Variants in SRGAP3 observed in about 807,000 individuals in gnomAD.
The protein encoded by SRGAP3 is SLIT-ROBO Rho GTPase-activating protein 3.
A neutral mutation model predicts 121.1 loss-of-function variants in SRGAP3; 39 were observed. That is an observed-to-expected ratio of 0.32 (90% CI 0.25 to 0.42). The LOEUF is 0.42. SRGAP3 is among the 10% of genes least tolerant of loss of function. The pLI is 1.00. For synonymous variants in SRGAP3, 601 were observed against 570.0 expected (o/e 1.05, Z -0.77); for missense variants, 1,213 against 1,470.6 (o/e 0.82, Z 2.86).
chr3:9,270,791 A>C (rs1954458868), intron 3 of SRGAP3, among the ~76,000 whole-genome samples: 1 of 152,040 alleles, frequency 6.6e-6, no homozygotes. Flanking sequence ...TTTTACTGTT[A>C]TTATTTAAGC....
chr3:9,182,275 GGTCATAGA>G (rs929870811), intron 1 of SRGAP3, among the ~76,000 whole-genome samples: 8 of 151,826 alleles, frequency 5.3e-5, no homozygotes, highest in Non-Finnish European at 8.8e-5. Flanking sequence ...CTCTTATAGA[GGTCATAGA>G]GTTAAAATGA....
At chr3:9,234,819 C>T (rs748887875) in intron 1 of SRGAP3, among the ~76,000 whole-genome samples, 3 of 152,120 alleles carry the variant, frequency 2.0e-5, no homozygotes, top group Non-Finnish European at 4.4e-5. Context: ...AAAGGTAGAC[C>T]AGGGAACAGG....
chr3:9,327,070 C>A (rs1203397092), intron 2 of SRGAP3, among the ~76,000 whole-genome samples: 2 of 151,646 alleles, frequency 1.3e-5, no homozygotes, highest in Admixed American at 1.3e-4. Context: ...AAAGAGAAAA[C>A]CAAATTTTAT....
intron 2 of SRGAP3, among the ~76,000 whole-genome samples, chr3:9,117,284 C>T (rs1381094788): frequency 6.6e-6 from 1 of 152,198 alleles, no homozygotes; most frequent in Non-Finnish European, 1.5e-5. Context: ...GCCTGGAAGG[C>T]TAAGTCTAAA....
chr3:9,260,968 C>T (rs764019329), intron 3 of SRGAP3, among the ~76,000 whole-genome samples: 3 of 152,162 alleles, frequency 2.0e-5, no homozygotes, highest in Non-Finnish European at 4.4e-5. Flanking sequence ...TGGCATCTGG[C>T]GGGTGCCCCT....
intron 3 of SRGAP3, among the ~76,000 whole-genome samples, chr3:9,083,179 G>GA (rs1476614567): frequency 2.0e-5 from 3 of 152,130 alleles, no homozygotes; most frequent in African/African-American, 4.8e-5. Context: ...GCTGACTCCA[G>GA]ATTCTCTGAC....
At chr3:9,348,040 G>T (rs1300292768) in intron 1 of SRGAP3, among the ~76,000 whole-genome samples, 2 of 152,178 alleles carry the variant, frequency 1.3e-5, no homozygotes, top group African/African-American at 4.8e-5. Flanking sequence ...CATTTGTTAG[G>T]CTACAACCTA....
intron 1 of SRGAP3, among the ~76,000 whole-genome samples, chr3:9,174,103 C>G (rs1007355339): frequency 5.9e-5 from 9 of 152,136 alleles, no homozygotes; most frequent in African/African-American, 2.2e-4. Flanking sequence ...GTGAAATAAG[C>G]CAGTCACAAA....
At chr3:9,343,214 T>C (rs938041595) in intron 1 of SRGAP3, among the ~76,000 whole-genome samples, 2 of 152,198 alleles carry the variant, frequency 1.3e-5, no homozygotes, top group Non-Finnish European at 2.9e-5. Flanking sequence ...TTTCTTCAAA[T>C]GCGTATTTGA....
chr3:9,275,900 TA>T (rs558726119), intron 3 of SRGAP3, among the ~76,000 whole-genome samples: 264 of 152,078 alleles, frequency 1.7e-3, no homozygotes, highest in African/African-American at 6.0e-3. Flanking sequence ...AATCTACTGC[TA>T]AAAAAATAAG....
intron 3 of SRGAP3, among the ~76,000 whole-genome samples, chr3:9,266,335 A>G (rs1001371811): frequency 1.8e-4 from 27 of 152,090 alleles, no homozygotes; most frequent in South Asian, 6.2e-4. Context: ...ACAAACCTGC[A>G]TGTTCTGCAC....
chr3:9,287,831 C>T (rs1954801894), intron 3 of SRGAP3, among the ~76,000 whole-genome samples: 1 of 152,122 alleles, frequency 6.6e-6, no homozygotes. Context: ...GAATAATCAT[C>T]GTTCTTTAGA....
intron 1 of SRGAP3, among the ~76,000 whole-genome samples, chr3:9,125,502 G>A (rs557878540): frequency 3.7e-4 from 57 of 152,266 alleles, no homozygotes; most frequent in Middle Eastern, 6.8e-3. Context: ...CTTTTCCCTC[G>A]TGGGTTTCAG....
At chr3:9,188,458 C>T (rs562556801) in intron 1 of SRGAP3, among the ~76,000 whole-genome samples, 2 of 152,302 alleles carry the variant, frequency 1.3e-5, no homozygotes, top group South Asian at 4.1e-4. Context: ...GATGAGGAAA[C>T]TGAGGCTGAG....
chr3:9,194,999 C>A (rs2125146213), intron 1 of SRGAP3, among the ~76,000 whole-genome samples: 1 of 152,302 alleles, frequency 6.6e-6, no homozygotes. Context: ...TGTTTAGCAG[C>A]CACTTTCTGG....
intron 1 of SRGAP3, among the ~76,000 whole-genome samples, chr3:9,125,474 A>G (rs1575111499): frequency 6.6e-6 from 1 of 152,210 alleles, no homozygotes; most frequent in East Asian, 1.9e-4. Context: ...GGACTGAGAG[A>G]GGGCTGAGAA....
chr3:9,018,931 A>C (rs1178698942), intron 14 of SRGAP3, among the ~76,000 whole-genome samples: 1 of 152,164 alleles, frequency 6.6e-6, no homozygotes, highest in African/African-American at 2.4e-5. Context: ...TATTTTTAAT[A>C]TCTTCTTATT....
intron 18 of SRGAP3, among the ~76,000 whole-genome samples, chr3:8,996,072 G>A (rs957396423): frequency 6.6e-6 from 1 of 152,048 alleles, no homozygotes; most frequent in Non-Finnish European, 1.5e-5. Flanking sequence ...TGTGACCTTG[G>A]GATACTTAGT....
Position 8,983,410 on chromosome 3 carries a change from T to A in SRGAP3, c.*2109A>T, listed in dbSNP as rs60940618. On this transcript the variant is annotated 3_prime_UTR_variant, in exon 22 of 22. Coordinates refer to ENST00000383836, the MANE Select transcript of SRGAP3 (RefSeq NM_014850.4). ...TTCCTCTCCTGATGCTCCCTTCCAC[T>A]GTGGGGTGTCAAGTCCAGTCCTTCA... The A allele has an allele frequency of 1.7e-5, 4 of 229,578 alleles. No homozygotes were observed. The highest frequency in any genetic ancestry group is 3.5e-5 in the Non-Finnish European group (4 of 115,892). 14.2% of individuals were successfully genotyped at this position (229,578 alleles called of 1,614,324 possible).
Sources: allele counts gnomAD v4.1 joint callset (sites outside exome capture counted in the v4.1 genomes callset), GRCh38; gene constraint gnomAD v4.1.1; transcripts MANE v1.5; gene names NCBI Gene and HGNC (gene_info 2026-07-23, HGNC 2026-07-21).